Variants in CYFIP2 observed in about 807,000 individuals in gnomAD.
CYFIP2 encodes cytoplasmic FMR1-interacting protein 2.
A neutral mutation model predicts 158.7 loss-of-function variants in CYFIP2; 29 were observed. The observed-to-expected ratio is 0.18, with a 90% CI of 0.14 to 0.25. CYFIP2 has a LOEUF of 0.25. Among genes scored for constraint, CYFIP2 ranks in the 10% least tolerant of loss-of-function variants. The pLI, the probability that CYFIP2 is intolerant of heterozygous loss-of-function variation, is 1.00. For synonymous variants in CYFIP2, 585 were observed against 617.6 expected, an observed-to-expected ratio of 0.95 and a Z score of 0.78; for missense variants, 852 against 1,639.5, an observed-to-expected ratio of 0.52 and a Z score of 8.29.
At chr5:157,392,418 C>T (rs1436040482) in intron 30 of CYFIP2, among the ~76,000 whole-genome samples, 4 of 152,146 alleles carry the variant, frequency 2.6e-5, no homozygotes, top group East Asian at 1.9e-4. Context: ...ATAAGGTAAG[C>T]GTCCATTGTT....
chr5:157,357,043 G>T (rs1763458058), intron 23 of CYFIP2, among the ~76,000 whole-genome samples: 1 of 152,152 alleles, frequency 6.6e-6, no homozygotes, highest in Non-Finnish European at 1.5e-5. Context: ...CTAGGTTCAG[G>T]CAGAGCTTGC....
At chr5:157,291,691 G>A (rs1757831046) in intron 3 of CYFIP2, among the ~76,000 whole-genome samples, 1 of 152,220 alleles carries the variant, frequency 6.6e-6, no homozygotes, top group Non-Finnish European at 1.5e-5. Context: ...AGGACAACAT[G>A]TTACTGATTT....
rs1491588464 is a variant in CYFIP2, at chr5:157,307,637, G to GTGTGTGTGTGTGTGTGTGTGTA, written c.796-105_796-104insGTATGTGTGTGTGTGTGTGTGT. On this transcript the variant is annotated intron_variant, in intron 8 of 30. Coordinates refer to ENST00000620254, the MANE Select transcript of CYFIP2 (RefSeq NM_001037333.3). ...ATAATATAATGTGTGTCTCTACAGGGTGTGTGTGTGTGTGTGTGTATGTGT... is the reference window on the plus strand; with the variant it reads ...ATAATATAATGTGTGTCTCTACAGGGTGTGTGTGTGTGTGTGTGTGTATGTGTGTGTGTGTGTGTGTATGTGT... The GTGTGTGTGTGTGTGTGTGTGTA allele has an allele frequency of 1.3e-4, 45 of 349,508 alleles. No individual in the cohort carries two copies. The African/African-American group carries it at 2.1e-3, about 16-fold the overall frequency. The allele number at this position is 349,508 out of a possible 1,614,324, so 21.7% of individuals were successfully genotyped here.
chr5:157,300,632 T>G lies in CYFIP2; in HGVS notation c.388-83T>G. The stretch of plus-strand genomic sequence containing the variant: ...ATTTGCCTTTCTCGAGAGGGCTGGC[T>G]CTGAGGAGGGCCCTAGAGGAGCCTG... On this transcript the variant is annotated intron_variant, in intron 5 of 30. Coordinates refer to ENST00000620254, the MANE Select transcript of CYFIP2 (RefSeq NM_001037333.3). 2 of 1,229,324 alleles carry G rather than the reference T, an allele frequency of 1.6e-6. 1 individual carries two copies. The highest frequency in any genetic ancestry group is 7.6e-5 in the Admixed American group (2 of 26,362). 76.2% of individuals were successfully genotyped at this position (1,229,324 alleles called of 1,614,324 possible).
At chr5:157,323,855 A>G in intron 15 of CYFIP2, 66 bp from the exon 16 acceptor site, 1 of 1,435,820 alleles carries the variant, frequency 7.0e-7, no homozygotes, top group Non-Finnish European at 9.2e-7. Flanking sequence ...ATACAACATG[A>G]AGCAACCTTT....
intron 26 of CYFIP2, among the ~76,000 whole-genome samples, chr5:157,362,393 T>G (rs1214239196): frequency 2.6e-5 from 4 of 152,226 alleles, no homozygotes; most frequent in African/African-American, 7.2e-5. Context: ...GATGTTATCT[T>G]TAATTTCTGT....
At chr5:157,329,143 G>A (rs1761251388) in intron 19 of CYFIP2, among the ~76,000 whole-genome samples, 1 of 152,218 alleles carries the variant, frequency 6.6e-6, no homozygotes, top group African/African-American at 2.4e-5. Context: ...GTTAACACAG[G>A]ATGTGCATTA....
In CYFIP2 at chr5:157,343,622, G is replaced by A. The variant is rs1186067573; in HGVS notation, c.2673+2465G>A. ...ATCATAATCATAGCCACCATTTATT[G>A]CACATTTGAGACGGGCACTCATGTT... On this transcript the variant is annotated intron_variant, in intron 23 of 30. Transcript: ENST00000620254. The A allele has an allele frequency of 5.3e-6, 6 of 1,142,126 alleles. No individual in the cohort carries two copies. In the East Asian group the frequency reaches 1.3e-4, roughly 24 times the overall value. The allele number at this position is 1,142,126 out of a possible 1,614,324, so 70.7% of individuals were successfully genotyped here.
chr5:157,351,161 G>C (rs1036651343), intron 23 of CYFIP2, among the ~76,000 whole-genome samples: 5 of 152,150 alleles, frequency 3.3e-5, no homozygotes, highest in African/African-American at 1.2e-4. Flanking sequence ...CTTTAAAAAT[G>C]AGAATATTAT....
At chr5:157,285,301 C>T (rs998040599) in intron 1 of CYFIP2, 38 bp from the exon 2 acceptor site, 112 of 1,431,678 alleles carry the variant, frequency 7.8e-5, no homozygotes, top group Non-Finnish European at 9.7e-5. Flanking sequence ...TTAGAGGCCC[C>T]TGAAATTCTC....
rs376683600 is a variant in CYFIP2 at position 157,326,307 on chromosome 5, T to G, written c.2079+40T>G. The G allele has an allele frequency of 8.8e-5, 136 of 1,552,006 alleles. No homozygotes were observed. In the African/African-American group the frequency reaches 1.7e-3, roughly 19 times the overall value. On this transcript the variant is annotated intron_variant, in intron 18 of 30. Transcript: ENST00000620254. ...TCTCTTTTTGCTCCTTTAATCTTGT[T>G]CCAAATTCCGGACTTTTCCAGTCTT... is the stretch of plus-strand genomic sequence containing the variant.
At chr5:157,359,185 A>G (rs1763626090) in intron 24 of CYFIP2, 37 bp downstream of exon 24, 1 of 1,609,448 alleles carries the variant, frequency 6.2e-7, no homozygotes, top group Non-Finnish European at 8.5e-7. Context: ...AGATATGCCC[A>G]TGTGGGTTTG....
At position 157,311,034 on chromosome 5, in the gene CYFIP2, G is replaced by A. The variant is rs766530599; in HGVS notation, c.993-630G>A. 103 of 454,814 alleles carry A rather than the reference G, an allele frequency of 2.3e-4. No individual in the cohort carries two copies. Among genetic ancestry groups the A allele is most frequent in the African/African-American group, 9.9e-4 (49 of 49,726 alleles). The allele number at this position is 454,814 out of a possible 1,614,324, so 28.2% of individuals were successfully genotyped here. On this transcript the variant is annotated intron_variant, in intron 10 of 30. Coordinates refer to ENST00000620254, the MANE Select transcript of CYFIP2 (RefSeq NM_001037333.3). The surrounding 1 kb of genome is among the most constrained non-coding windows in gnomAD (Gnocchi z 4.7). ...TCCTAATGACATCTTTTCACAAGGC[G>A]TGGAAAAAAGGCGGAGGGAAGGAGG...
At chr5:157,376,748 T>G (rs1765515980) in intron 26 of CYFIP2, 1 of 322,244 alleles carries the variant, frequency 3.1e-6, no homozygotes, top group Non-Finnish European at 6.6e-6. Flanking sequence ...AGCACCCACT[T>G]ATGCAAACCT....
chr5:157,310,037 C>T (rs1298042089), intron 10 of CYFIP2, among the ~76,000 whole-genome samples: 1 of 152,116 alleles, frequency 6.6e-6, no homozygotes, highest in Admixed American at 6.5e-5. Flanking sequence ...TTCAAAAGGG[C>T]TCAGAGCACA....
rs940993245 is a variant in CYFIP2 at position 157,274,131 on chromosome 5, A to G, written c.-24+7936A>G. On this transcript the variant is annotated intron_variant, in intron 1 of 30. Coordinates refer to ENST00000620254, the MANE Select transcript of CYFIP2 (RefSeq NM_001037333.3). ...GGGAACAAGAGTGAAACTCTGTGTA[A>G]AAAAAAAAAAAAAAAAAACCGTTCA... Among the ~76,000 whole-genome samples, 7 of 52,406 alleles carry G rather than the reference A, an allele frequency of 1.3e-4. No individual in the cohort carries two copies. In the Admixed American group the frequency reaches 1.4e-3, roughly 10 times the overall value. 34.4% of individuals were successfully genotyped at this position (52,406 alleles called of 152,430 possible).
intron 28 of CYFIP2, 68 bp from the exon 29 acceptor site, chr5:157,389,121 C>CA: frequency 6.9e-7 from 1 of 1,456,164 alleles, no homozygotes; most frequent in Non-Finnish European, 9.3e-7. Flanking sequence ...GTTCGGGAAT[C>CA]TGTGGTGGGA....
At chr5:157,369,988 T>C (rs1313959093) in intron 26 of CYFIP2, among the ~76,000 whole-genome samples, 5 of 151,382 alleles carry the variant, frequency 3.3e-5, no homozygotes, top group African/African-American at 1.2e-4. Context: ...TTCAAGCAGT[T>C]CTCTGCCTCA....
intron 23 of CYFIP2, chr5:157,342,735 C>T: frequency 1.0e-6 from 1 of 957,174 alleles, no homozygotes. Flanking sequence ...TCATCCAACC[C>T]AGGTGACCTA....
Sources: allele counts gnomAD v4.1 joint callset (sites outside exome capture counted in the v4.1 genomes callset), GRCh38; gene constraint gnomAD v4.1.1; non-coding constraint Gnocchi (gnomAD v3.1); transcripts MANE v1.5; gene names NCBI Gene and HGNC (gene_info 2026-07-23, HGNC 2026-07-21).